AIG1: variants seen among roughly 807,000 people sequenced by gnomAD.
AIG1 encodes the protein androgen-induced gene 1 protein.
Under a neutral mutation model 31.4 loss-of-function variants are expected in AIG1, and 23 were observed. The observed-to-expected ratio is 0.73, with a 90% CI of 0.53 to 1.04. The LOEUF (loss-of-function observed/expected upper bound fraction) is 1.04, where lower values mean the gene tolerates loss of function less well. Ranked by LOEUF, AIG1 falls within the 50% of genes least tolerant of loss-of-function variation. The probability of loss-of-function intolerance (pLI) is 0.00; values close to 1 mark genes in which losing one functional copy is unlikely to be tolerated. For synonymous variants in AIG1, 100 were observed against 110.5 expected (o/e 0.90, Z 0.60); for missense variants, 274 against 295.0 (o/e 0.93, Z 0.52).
intron 3 of AIG1, among the ~76,000 whole-genome samples, chr6:143,213,069 C>T (rs956381573): frequency 6.6e-6 from 1 of 152,024 alleles, no homozygotes; most frequent in Non-Finnish European, 1.5e-5. Flanking sequence ...CCTAAATAGC[C>T]CCTTGAATAC....
chr6:143,332,494 A>G (rs1245405808), intron 4 of AIG1, among the ~76,000 whole-genome samples: 5 of 152,234 alleles, frequency 3.3e-5, no homozygotes, highest in Non-Finnish European at 7.3e-5. Flanking sequence ...ATTAAGTAAG[A>G]ATGTAAAATA....
chr6:143,184,590 C>T (rs2128589365), intron 3 of AIG1, among the ~76,000 whole-genome samples: 1 of 152,330 alleles, frequency 6.6e-6, no homozygotes. Context: ...TCAGCTGCAC[C>T]TCCAAAATAG....
At chr6:143,159,960 A>G (rs903971726) in intron 2 of AIG1, among the ~76,000 whole-genome samples, 1 of 152,238 alleles carries the variant, frequency 6.6e-6, no homozygotes, top group Non-Finnish European at 1.5e-5. Flanking sequence ...ATGAAAAAGA[A>G]ATCTGGAAGC....
At chr6:143,081,220 T>C (rs1217807096) in intron 1 of AIG1, among the ~76,000 whole-genome samples, 1 of 152,164 alleles carries the variant, frequency 6.6e-6, no homozygotes, top group Non-Finnish European at 1.5e-5. Flanking sequence ...GTTTCATTCA[T>C]TTTCTCAACT....
chr6:143,135,092 G>A (rs368536724), intron 1 of AIG1, among the ~76,000 whole-genome samples: 24 of 152,060 alleles, frequency 1.6e-4, no homozygotes, highest in African/African-American at 5.6e-4. Context: ...CTTTCTGGTT[G>A]TTCTACATCT....
At chr6:143,181,084 T>C (rs558660376) in intron 3 of AIG1, among the ~76,000 whole-genome samples, 10 of 152,332 alleles carry the variant, frequency 6.6e-5, no homozygotes, top group African/African-American at 2.4e-4. Flanking sequence ...TCATTACTCA[T>C]GGAGTCTGTG....
intron 3 of AIG1, among the ~76,000 whole-genome samples, chr6:143,224,211 A>G (rs1385605508): frequency 1.3e-5 from 2 of 152,194 alleles, no homozygotes; most frequent in East Asian, 1.9e-4. Flanking sequence ...AACTGCTTCA[A>G]TGTCTTTCCA....
intron 2 of AIG1, among the ~76,000 whole-genome samples, chr6:143,138,105 A>G (rs1783917542): frequency 6.6e-6 from 1 of 152,222 alleles, no homozygotes. Flanking sequence ...GGATGAAATA[A>G]ATAGCCCTTA....
chr6:143,270,560 C>CT (rs1385758354), intron 3 of AIG1, among the ~76,000 whole-genome samples: 5 of 152,150 alleles, frequency 3.3e-5, no homozygotes, highest in African/African-American at 9.7e-5. Flanking sequence ...TCTCCCTTGG[C>CT]TTTTTCCTAT....
At chr6:143,230,604 A>G (rs1583572403) in intron 3 of AIG1, among the ~76,000 whole-genome samples, 1 of 150,618 alleles carries the variant, frequency 6.6e-6, no homozygotes, top group East Asian at 1.9e-4. Flanking sequence ...TAAATTAAGA[A>G]TATCCTATGC....
At chr6:143,169,544 T>C (rs1362445279) in intron 3 of AIG1, among the ~76,000 whole-genome samples, 2 of 152,152 alleles carry the variant, frequency 1.3e-5, no homozygotes, top group African/African-American at 4.8e-5. Flanking sequence ...CTGGAATTTA[T>C]TCCTCCTATC....
At chr6:143,309,012 G>C (rs1337758059) in intron 4 of AIG1, among the ~76,000 whole-genome samples, 1 of 151,880 alleles carries the variant, frequency 6.6e-6, no homozygotes, top group South Asian at 2.1e-4. Context: ...GAAAGAAGCT[G>C]GTGGTGGGGA....
At chr6:143,132,151 TAATA>T (rs1225338462) in intron 1 of AIG1, among the ~76,000 whole-genome samples, 1 of 152,244 alleles carries the variant, frequency 6.6e-6, no homozygotes, top group African/African-American at 2.4e-5. Flanking sequence ...TAATTATCGT[TAATA>T]AATGTAGAAA....
intron 1 of AIG1, among the ~76,000 whole-genome samples, chr6:143,089,161 A>C (rs1779074651): frequency 6.6e-6 from 1 of 151,928 alleles, no homozygotes; most frequent in South Asian, 2.1e-4. Context: ...GTGAGCCAAG[A>C]TCATGCCATT....
chr6:143,241,657 G>A (rs1192596567), intron 3 of AIG1, among the ~76,000 whole-genome samples: 1 of 152,170 alleles, frequency 6.6e-6, no homozygotes, highest in Non-Finnish European at 1.5e-5. Flanking sequence ...CCTGTGGGTG[G>A]GTTCTGTTTT....
At chr6:143,082,624 T>C (rs766077436) in intron 1 of AIG1, among the ~76,000 whole-genome samples, 5 of 152,212 alleles carry the variant, frequency 3.3e-5, no homozygotes, top group Non-Finnish European at 5.9e-5. Flanking sequence ...CTGCTTTAGA[T>C]ACTAAGACTG....
chr6:143,143,528 A>AAAAAAT (rs1554249782), intron 2 of AIG1, among the ~76,000 whole-genome samples: 1 of 27,784 alleles, frequency 3.6e-5, no homozygotes, highest in Non-Finnish European at 7.9e-5. Flanking sequence ...AAAAAAAAAA[A>AAAAAAT]ATATATATAT....
chr6:143,206,574 G>A (rs1345594726), intron 3 of AIG1, among the ~76,000 whole-genome samples: 2 of 151,972 alleles, frequency 1.3e-5, no homozygotes, highest in East Asian at 3.9e-4. Context: ...TGCTTTTTTG[G>A]CATATGTCTA....
intron 3 of AIG1, among the ~76,000 whole-genome samples, chr6:143,229,590 AT>A (rs1793277244): frequency 6.6e-6 from 1 of 152,206 alleles, no homozygotes; most frequent in African/African-American, 2.4e-5. Flanking sequence ...CTATGATGTC[AT>A]TGCTTGTGTC....
Sources: gnomAD v4.1 joint callset for allele counts (sites outside exome capture counted in the v4.1 genomes callset) on GRCh38, gnomAD v4.1.1 for gene constraint, MANE v1.5 for transcripts, NCBI Gene and HGNC (gene_info 2026-07-23, HGNC 2026-07-21) for gene names.